ORC5: variants seen among roughly 807,000 people sequenced by gnomAD.
ORC5 encodes the protein protein phosphatase 1, regulatory subunit 117.
Under a neutral mutation model 58.8 loss-of-function variants are expected in ORC5, and 39 were observed. That is an observed-to-expected ratio of 0.66 (90% CI 0.51 to 0.87). ORC5 has a LOEUF of 0.87. ORC5 is among the 40% of genes least tolerant of loss of function. The pLI is 0.00. For synonymous variants in ORC5, 218 were observed against 177.6 expected (o/e 1.23, Z -1.81); for missense variants, 493 against 506.3 (o/e 0.97, Z 0.25).
chr7:104,156,570 C>T (rs1798928674), intron 12 of ORC5, among the ~76,000 whole-genome samples: 1 of 151,646 alleles, frequency 6.6e-6, no homozygotes. Flanking sequence ...CAGGAGAATT[C>T]TGAATGTCTA....
chr7:104,143,671 G>T (rs945649066), intron 12 of ORC5, among the ~76,000 whole-genome samples: 9 of 151,994 alleles, frequency 5.9e-5, no homozygotes, highest in Admixed American at 5.2e-4. Flanking sequence ...AATTAAATTA[G>T]AATGTGATTT....
At chr7:104,146,504 G>A (rs1393586495) in intron 12 of ORC5, among the ~76,000 whole-genome samples, 2 of 152,140 alleles carry the variant, frequency 1.3e-5, no homozygotes, top group Non-Finnish European at 2.9e-5. Context: ...ATTAATACAT[G>A]CAAAAATTTG....
intron 12 of ORC5, among the ~76,000 whole-genome samples, chr7:104,146,356 T>C (rs1268309123): frequency 6.6e-6 from 1 of 152,132 alleles, no homozygotes; most frequent in East Asian, 1.9e-4. Flanking sequence ...AACTAGTACA[T>C]GAATGTTCCT....
At position 104,172,200 on chromosome 7, in the gene ORC5, G is replaced by A. The variant is rs79854378; in HGVS notation, c.825-3675C>T. On this transcript the variant is annotated intron_variant, in intron 8 of 13. Coordinates refer to ENST00000297431, the MANE Select transcript of ORC5 (RefSeq NM_002553.4). ...GCAAGAGTTATGGGTGGTTCTATTA[G>A]CTCTCTTTATTGATATTGTGGACAC... 2.3e-3 allele frequency among the ~76,000 whole-genome samples: 350 copies of A among 152,258 alleles called. 1 individual carries two copies. The highest frequency in any genetic ancestry group is 2.4e-3 in the Non-Finnish European group (163 of 68,008).
intron 12 of ORC5, among the ~76,000 whole-genome samples, chr7:104,140,692 C>T (rs1249027266): frequency 6.6e-6 from 1 of 152,202 alleles, no homozygotes; most frequent in Middle Eastern, 3.2e-3. Context: ...CACCAGGCCC[C>T]TTCTTGCTTT....
rs755878960 is a variant in ORC5, at chr7:104,197,707, C to T, written c.441+18G>A. The T allele has an allele frequency of 8.9e-6, 14 of 1,566,532 alleles. No homozygotes were observed. In the South Asian group the frequency reaches 1.2e-4, roughly 13 times the overall value. On this transcript the variant is annotated intron_variant, in intron 4 of 13. Coordinates refer to ENST00000297431, the MANE Select transcript of ORC5 (RefSeq NM_002553.4). ...TTGATTAAGTTGTGGGGAGAAAGCACTTTCTCACATTACTTACCAATTCTT... is the reference window on the plus strand; with the variant it reads ...TTGATTAAGTTGTGGGGAGAAAGCATTTTCTCACATTACTTACCAATTCTT...
intron 8 of ORC5, among the ~76,000 whole-genome samples, chr7:104,182,573 A>G (rs1437451473): frequency 9.2e-5 from 14 of 152,064 alleles, no homozygotes. Context: ...GATTGGTTAC[A>G]TAAGGAAATG....
chr7:104,139,502 C>T (rs918327707), intron 12 of ORC5, among the ~76,000 whole-genome samples: 5 of 151,922 alleles, frequency 3.3e-5, no homozygotes, highest in Admixed American at 1.3e-4. Flanking sequence ...AGTATTTAGT[C>T]GATTACTTTA....
chr7:104,185,996 TCTA>T (rs2115987987), intron 6 of ORC5, among the ~76,000 whole-genome samples: 1 of 152,200 alleles, frequency 6.6e-6, no homozygotes, highest in African/African-American at 2.4e-5. Flanking sequence ...TCTTCCAAAT[TCTA>T]CTAAGTGTAG....
chr7:104,195,239 T>C lies in ORC5; in HGVS notation c.457A>G (p.Thr153Ala), dbSNP rs1383447170. Residue 153 changes from threonine (T) to alanine (A), a missense_variant, in exon 5 of 14, where the codon ACT becomes GCT. Physicochemically the swap from Thr to Ala is moderately conservative, Grantham distance 58. This residue lies in a region of ORC5 where 412 missense variants were observed against 403.7 expected (regional missense o/e 1.02). Transcript: ENST00000297431. ...RLQELADRNV[T>A]VLFLSEIVWE... ...ACAATTTCACTGAGAAAGAGAACAG[T>C]CACATTTCTGTCAGCCTGTAAAAAG... The C allele has an allele frequency of 6.5e-7, 1 of 1,549,788 alleles. No homozygotes were observed. The highest frequency in any genetic ancestry group is 8.7e-7 in the Non-Finnish European group (1 of 1,152,342).
At chr7:104,200,665 C>T (rs1413737876) in intron 3 of ORC5, 93 bp downstream of exon 3, 4 of 781,056 alleles carry the variant, frequency 5.1e-6, no homozygotes, top group Non-Finnish European at 8.5e-6. Context: ...GAGCACTGTA[C>T]ATAATGAGAC....
Position 104,207,818 on chromosome 7 carries a change from G to A in ORC5, c.72+15C>T. The A allele has an allele frequency of 6.2e-7, 1 of 1,610,430 alleles. No individual in the cohort carries two copies. Among genetic ancestry groups the A allele is most frequent in the Non-Finnish European group, 8.5e-7 (1 of 1,176,626 alleles). ...GTCTGCCTCCAGGATCTGGAAGACA[G>A]TTTAACTACAATACCTCTCCAAACA... On this transcript the variant is annotated intron_variant, in intron 1 of 13. Transcript: ENST00000297431.
At chr7:104,204,100 C>T (rs763163325) in intron 2 of ORC5, 42 bp downstream of exon 2, 7 of 1,098,290 alleles carry the variant, frequency 6.4e-6, no homozygotes, top group Non-Finnish European at 9.4e-6. Flanking sequence ...CAATATTATA[C>T]ACTAAAAATG....
intron 13 of ORC5, among the ~76,000 whole-genome samples, chr7:104,127,608 A>G (rs1364298042): frequency 1.3e-5 from 2 of 152,258 alleles, no homozygotes; most frequent in African/African-American, 4.8e-5. Context: ...CAATAAGTAT[A>G]AAATTAAAGC....
chr7:104,205,569 G>A (rs1400416947), intron 1 of ORC5, among the ~76,000 whole-genome samples: 1 of 152,128 alleles, frequency 6.6e-6, no homozygotes, highest in Non-Finnish European at 1.5e-5. Flanking sequence ...TCAGATTTAC[G>A]CAGGAAAAAG....
At position 104,180,929 on chromosome 7, in the gene ORC5, C is replaced by G. The variant is rs139325251; in HGVS notation, c.824+3014G>C. On this transcript the variant is annotated intron_variant, in intron 8 of 13. Transcript: ENST00000297431. ...CATGGCTATTCTAAGTCTCTGTCATCCTACAGTTATTGTTCTGATTTTTAT... is the reference window on the plus strand; with the variant it reads ...CATGGCTATTCTAAGTCTCTGTCATGCTACAGTTATTGTTCTGATTTTTAT... 5.4e-3 allele frequency among the ~76,000 whole-genome samples: 826 copies of G among 152,260 alleles called. 11 individuals are homozygous for G. The highest frequency in any genetic ancestry group is 0.018 in the African/African-American group (768 of 41,564).
intron 1 of ORC5, among the ~76,000 whole-genome samples, chr7:104,205,970 T>C (rs910322542): frequency 7.9e-5 from 12 of 152,182 alleles, no homozygotes; most frequent in Non-Finnish European, 1.5e-4. Flanking sequence ...ATCATGCCAC[T>C]GCACTCCAGC....
intron 5 of ORC5, among the ~76,000 whole-genome samples, chr7:104,190,378 ATC>A (rs1000158967): frequency 2.4e-4 from 37 of 152,148 alleles, no homozygotes; most frequent in African/African-American, 8.0e-4. Context: ...AAAAGAATTA[ATC>A]TTTTTTTACA....
At chr7:104,127,994 A>T (rs950394001) in intron 13 of ORC5, among the ~76,000 whole-genome samples, 17 of 152,284 alleles carry the variant, frequency 1.1e-4, no homozygotes, top group Admixed American at 5.2e-4. Context: ...TAAAAAGTTT[A>T]AAAAAAATCT....
Sources: gnomAD v4.1 joint callset for allele counts (sites outside exome capture counted in the v4.1 genomes callset) on GRCh38, gnomAD v4.1.1 for gene constraint, gnomAD v4.1.1 regional missense constraint, MANE v1.5 for transcripts, NCBI Gene and HGNC (gene_info 2026-07-23, HGNC 2026-07-21) for gene names.